LDLRAD4: variants seen among roughly 807,000 people sequenced by gnomAD.
LDLRAD4 encodes low-density lipoprotein receptor class A domain-containing protein 4.
A neutral mutation model predicts 17.0 loss-of-function variants in LDLRAD4; 5 were observed. The ratio of observed to expected loss-of-function variants is 0.29; its 90% confidence interval spans 0.15 to 0.62. LDLRAD4 has a LOEUF of 0.62. Among genes scored for constraint, LDLRAD4 ranks in the 20% least tolerant of loss-of-function variants. LDLRAD4 has a pLI of 0.84. For missense variants in LDLRAD4, 340 were observed against 424.7 expected (o/e 0.80, Z 1.75); for synonymous variants, 168 against 171.8 (o/e 0.98, Z 0.17).
At chr18:13,619,691 C>T (rs2040431694) in intron 3 of LDLRAD4, among the ~76,000 whole-genome samples, 1 of 152,132 alleles carries the variant, frequency 6.6e-6, no homozygotes. Context: ...TTGGCTGGGG[C>T]GGGGCCGGCA....
intron 1 of LDLRAD4, among the ~76,000 whole-genome samples, chr18:13,373,286 C>T (rs1022688204): frequency 7.2e-5 from 11 of 152,106 alleles, no homozygotes; most frequent in African/African-American, 2.7e-4. Flanking sequence ...AACTGGGTCT[C>T]AACACCAACT....
chr18:13,257,585 A>T (rs2145901694), intron 1 of LDLRAD4, among the ~76,000 whole-genome samples: 1 of 152,274 alleles, frequency 6.6e-6, no homozygotes, highest in South Asian at 2.1e-4. Context: ...TGCAGCCTGG[A>T]TGTGAGACAC....
chr18:13,561,198 G>A (rs1025468239), intron 3 of LDLRAD4, among the ~76,000 whole-genome samples: 13 of 152,188 alleles, frequency 8.5e-5, no homozygotes, highest in Admixed American at 3.3e-4. Flanking sequence ...GTTGAAAGGC[G>A]TTAAGAGCGT....
chr18:13,521,787 G>A (rs1392240053), intron 3 of LDLRAD4: 1 of 151,274 alleles, frequency 6.6e-6, no homozygotes, highest in Non-Finnish European at 1.5e-5. Context: ...ATGAGAATGA[G>A]ATATATGGAA....
At chr18:13,517,684 C>G (rs2093888226) in intron 3 of LDLRAD4, among the ~76,000 whole-genome samples, 1 of 152,182 alleles carries the variant, frequency 6.6e-6, no homozygotes, top group African/African-American at 2.4e-5. Flanking sequence ...CTCTAGCTAC[C>G]TCTAGGTCTT....
chr18:13,464,735 T>C (rs1025986370), intron 3 of LDLRAD4, among the ~76,000 whole-genome samples: 12 of 150,764 alleles, frequency 8.0e-5, no homozygotes, highest in Non-Finnish European at 1.0e-4. Flanking sequence ...TTTTTTTTTT[T>C]CACATCGCTG....
intron 3 of LDLRAD4, among the ~76,000 whole-genome samples, chr18:13,539,412 C>T (rs1319642229): frequency 6.6e-6 from 1 of 152,204 alleles, no homozygotes; most frequent in Non-Finnish European, 1.5e-5. Context: ...AGGGAGGAAC[C>T]AGAGCACGAA....
intron 3 of LDLRAD4, among the ~76,000 whole-genome samples, chr18:13,513,046 A>G (rs1289371041): frequency 6.6e-6 from 1 of 152,242 alleles, no homozygotes; most frequent in Admixed American, 6.5e-5. Flanking sequence ...TTAAACGAAT[A>G]AGGGTCTAAA....
At chr18:13,519,100 T>C (rs1217586896) in intron 3 of LDLRAD4, among the ~76,000 whole-genome samples, 1 of 152,266 alleles carries the variant, frequency 6.6e-6, no homozygotes, top group East Asian at 1.9e-4. Flanking sequence ...GCAAATACTT[T>C]CGAAGTGGAA....
At chr18:13,364,161 C>G (rs931473842) in intron 1 of LDLRAD4, among the ~76,000 whole-genome samples, 1 of 152,102 alleles carries the variant, frequency 6.6e-6, no homozygotes, top group African/African-American at 2.4e-5. Flanking sequence ...GATATATATG[C>G]AGAATCATCT....
Position 13,318,143 on chromosome 18 carries a change from G to C in LDLRAD4, c.-383+39955G>C, listed in dbSNP as rs76347250. On this transcript the variant is annotated intron_variant, in intron 1 of 5. Coordinates refer to ENST00000359446, the Ensembl canonical transcript of LDLRAD4. ...AGCACTGGGAGGGTTCAGCGCAGGG[G>C]TCCCTTCAAGGCAGGACCGCTCACC... 2.7e-3 allele frequency among the ~76,000 whole-genome samples: 416 copies of C among 152,288 alleles called. 12 individuals carry two copies. In the East Asian group the frequency reaches 0.07, roughly 25 times the overall value.
At chr18:13,510,161 A>G (rs2093755001) in intron 3 of LDLRAD4, among the ~76,000 whole-genome samples, 1 of 152,234 alleles carries the variant, frequency 6.6e-6, no homozygotes, top group Non-Finnish European at 1.5e-5. Context: ...TATTGTTCAG[A>G]GGCAGGTGTT....
upstream of LDLRAD4, among the ~76,000 whole-genome samples, chr18:13,276,859 C>G (rs1325882258): frequency 6.6e-6 from 1 of 152,160 alleles, no homozygotes; most frequent in Non-Finnish European, 1.5e-5. Context: ...GGGGAGTCAC[C>G]TTAGAATTCT....
chr18:13,517,318 A>G (rs79449736), intron 3 of LDLRAD4, among the ~76,000 whole-genome samples: 1,873 of 152,334 alleles, frequency 0.012, 39 homozygotes, highest in African/African-American at 0.043. Context: ...CCTTACACAG[A>G]CACATCTTCT....
chr18:13,513,089 TGCACATTACATAA>T (rs1316340648), intron 3 of LDLRAD4, among the ~76,000 whole-genome samples: 6 of 152,214 alleles, frequency 3.9e-5, no homozygotes, highest in African/African-American at 1.4e-4. Context: ...AACAGGGTCT[TGCACATTACATAA>T]GCTCCATAAG....
chr18:13,430,727 G>T (rs1209153958), intron 2 of LDLRAD4, among the ~76,000 whole-genome samples: 1 of 152,140 alleles, frequency 6.6e-6, no homozygotes, highest in East Asian at 1.9e-4. Flanking sequence ...AAGTATATTT[G>T]TCCTTGAATT....
intron 3 of LDLRAD4, among the ~76,000 whole-genome samples, chr18:13,447,129 G>GC (rs1194891446): frequency 6.9e-4 from 63 of 91,036 alleles, no homozygotes; most frequent in South Asian, 3.1e-3. Context: ...CTCCCCGCCC[G>GC]CCCCCCCTTT....
intron 2 of LDLRAD4, among the ~76,000 whole-genome samples, chr18:13,413,794 G>T (rs1267483363): frequency 6.6e-6 from 1 of 152,094 alleles, no homozygotes; most frequent in East Asian, 1.9e-4. Flanking sequence ...GGCTGGGCGG[G>T]GTGGCACACG....
At chr18:13,475,677 A>G (rs948968040) in intron 3 of LDLRAD4, among the ~76,000 whole-genome samples, 1 of 152,302 alleles carries the variant, frequency 6.6e-6, no homozygotes, top group Middle Eastern at 3.4e-3. Context: ...TGAACAGCCA[A>G]CAAGACCTGG....
Sources: allele counts gnomAD v4.1 joint callset (sites outside exome capture counted in the v4.1 genomes callset), GRCh38; gene constraint gnomAD v4.1.1; transcripts MANE v1.5; gene names NCBI Gene and HGNC (gene_info 2026-07-23, HGNC 2026-07-21).